Variants in PDZRN3 observed in about 807,000 individuals in gnomAD.
The protein encoded by PDZRN3 is PDZ domain containing ring finger 3, also known as E3 ubiquitin-protein ligase PDZRN3.
Under a neutral mutation model 85.7 loss-of-function variants are expected in PDZRN3, and 38 were observed. The ratio of observed to expected loss-of-function variants is 0.44; its 90% CI spans 0.34 to 0.58. The LOEUF is 0.58. Among genes scored for constraint, PDZRN3 ranks in the 20% least tolerant of loss-of-function variants. The probability of loss-of-function intolerance (pLI) is 0.01; values close to 1 mark genes in which losing one functional copy is unlikely to be tolerated. For missense variants in PDZRN3, 1,629 were observed against 1,506.4 expected (o/e 1.08, Z -1.35); for synonymous variants, 759 against 638.0 (o/e 1.19, Z -2.86).
intron 3 of PDZRN3, among the ~76,000 whole-genome samples, chr3:73,501,690 G>A (rs1348841488): frequency 1.3e-5 from 2 of 152,158 alleles, no homozygotes; most frequent in African/African-American, 2.4e-5. Context: ...TGAGAATAAG[G>A]TGGGTGACAT....
intron 3 of PDZRN3, among the ~76,000 whole-genome samples, chr3:73,553,523 C>T (rs928317179): frequency 6.6e-6 from 1 of 151,706 alleles, no homozygotes; most frequent in Admixed American, 6.6e-5. Flanking sequence ...TTGCAGTGAG[C>T]CGAGATGGCA....
At chr3:73,451,068 C>T (rs1438820751) in intron 3 of PDZRN3, among the ~76,000 whole-genome samples, 2 of 152,118 alleles carry the variant, frequency 1.3e-5, no homozygotes, top group Non-Finnish European at 2.9e-5. Context: ...AATAGGATGG[C>T]AGAAACAGTC....
At chr3:73,528,701 C>T (rs544087529) in intron 3 of PDZRN3, among the ~76,000 whole-genome samples, 22 of 152,038 alleles carry the variant, frequency 1.4e-4, no homozygotes, top group African/African-American at 4.8e-4. Flanking sequence ...AGTAACAAAA[C>T]GAACCATTTT....
intron 3 of PDZRN3, among the ~76,000 whole-genome samples, chr3:73,469,002 ATTATAC>A (rs1464235062): frequency 2.6e-5 from 4 of 151,860 alleles, no homozygotes; most frequent in Non-Finnish European, 5.9e-5. Context: ...TATTATTATG[ATTATAC>A]TTATTATTAC....
Position 73,410,046 on chromosome 3 carries a change from AG to A in PDZRN3, c.919-5652del, listed in dbSNP as rs375469433. Among the ~76,000 whole-genome samples, 652 of 152,334 alleles carry A rather than the reference AG, an allele frequency of 4.3e-3. 2 individuals carry two copies. Among genetic ancestry groups the A allele is most frequent in the African/African-American group, 0.015 (637 of 41,576 alleles). On this transcript the variant is annotated intron_variant, in intron 3 of 9. Transcript: ENST00000263666. ...TTATAGGGTTCATTTAATTAAATAC[AG>A]GGGGAGTGATTTCATTCTGTAAAAT... is the stretch of plus-strand genomic sequence containing the variant.
chr3:73,512,583 C>A (rs1196973663), intron 3 of PDZRN3, among the ~76,000 whole-genome samples: 2 of 151,634 alleles, frequency 1.3e-5, no homozygotes, highest in African/African-American at 4.9e-5. Flanking sequence ...TAAATAAAGC[C>A]CAAATTGCAC....
At chr3:73,501,882 G>T (rs55781120) in intron 3 of PDZRN3, among the ~76,000 whole-genome samples, 66,175 of 151,922 alleles carry the variant, frequency 0.44, 15,282 homozygotes, top group East Asian at 0.69. Context: ...CGGGTATGTT[G>T]GTACACACCT....
chr3:73,454,539 G>A (rs1226967294), intron 3 of PDZRN3, among the ~76,000 whole-genome samples: 1 of 152,168 alleles, frequency 6.6e-6, no homozygotes, highest in Non-Finnish European at 1.5e-5. Flanking sequence ...CCTGACTCTG[G>A]ATTTACTTGT....
At chr3:73,511,118 T>A (rs1704155746) in intron 3 of PDZRN3, among the ~76,000 whole-genome samples, 1 of 152,190 alleles carries the variant, frequency 6.6e-6, no homozygotes, top group Non-Finnish European at 1.5e-5. Context: ...TGGCTACTTT[T>A]TTATGGCAGA....
At chr3:73,563,439 T>C (rs1231421707) in intron 3 of PDZRN3, among the ~76,000 whole-genome samples, 1 of 132,770 alleles carries the variant, frequency 7.5e-6, no homozygotes, top group Non-Finnish European at 1.7e-5. Flanking sequence ...ATTCCTCTTA[T>C]AATCACCTTT....
At chr3:73,558,586 T>C (rs1283620132) in intron 3 of PDZRN3, among the ~76,000 whole-genome samples, 2 of 152,164 alleles carry the variant, frequency 1.3e-5, no homozygotes, top group East Asian at 3.9e-4. Flanking sequence ...CTTCCTCCTC[T>C]TTTTCCTGTT....
chr3:73,582,003 T>C lies in PDZRN3; in HGVS notation c.918+20351A>G, dbSNP rs113118372. On this transcript the variant is annotated intron_variant, in intron 3 of 9. Transcript: ENST00000263666. ...TGGTACCAGCTACCCAGGAGGCTGATGTGAGAGGATCACTTGAGCCCAGGA... is the reference window on the plus strand; with the variant it reads ...TGGTACCAGCTACCCAGGAGGCTGACGTGAGAGGATCACTTGAGCCCAGGA... 2.0e-3 allele frequency among the ~76,000 whole-genome samples: 299 copies of C among 151,974 alleles called. 2 individuals carry two copies. In the East Asian group the frequency reaches 0.023, roughly 11 times the overall value.
In PDZRN3 at chr3:73,391,004, A is replaced by G; in HGVS notation, c.1353+14T>C. The G allele has an allele frequency of 6.3e-7, 1 of 1,582,768 alleles. No individual in the cohort carries two copies. Among genetic ancestry groups the G allele is most frequent in the Non-Finnish European group, 8.7e-7 (1 of 1,154,320 alleles). ...TTGATACGATAGTTAGAAAAACAAA[A>G]TCAGCCTTTGTACCTCACTGATATA... On this transcript the variant is annotated intron_variant, in intron 6 of 9. Transcript: ENST00000263666.
At chr3:73,481,161 A>C (rs975209151) in intron 3 of PDZRN3, among the ~76,000 whole-genome samples, 2 of 152,190 alleles carry the variant, frequency 1.3e-5, no homozygotes, top group Non-Finnish European at 2.9e-5. Flanking sequence ...TGATTCCTAC[A>C]TGGCTCTGAG....
intron 3 of PDZRN3, among the ~76,000 whole-genome samples, chr3:73,416,875 G>GTTTTTTTTTTTT (rs1491373717): frequency 2.9e-4 from 12 of 40,742 alleles, no homozygotes; most frequent in African/African-American, 5.8e-4. Flanking sequence ...GTTTTTTTTT[G>GTTTTTTTTTTTT]GTTTTTTTTT....
chr3:73,399,808 GCACAGAGTCAGTCATGC>G (rs1701713504), intron 5 of PDZRN3, among the ~76,000 whole-genome samples: 1 of 152,180 alleles, frequency 6.6e-6, no homozygotes, highest in South Asian at 2.1e-4. Context: ...CTGAAAACTG[GCACAGAGTCAGTCATGC>G]CACTGGCAAC....
At chr3:73,590,245 G>C (rs903143033) in intron 3 of PDZRN3, among the ~76,000 whole-genome samples, 2 of 133,480 alleles carry the variant, frequency 1.5e-5, no homozygotes, top group Admixed American at 8.8e-5. Flanking sequence ...CTCCAGCCTG[G>C]GTGACAAAGC....
intron 3 of PDZRN3, among the ~76,000 whole-genome samples, chr3:73,574,104 C>T (rs1047168085): frequency 2.0e-5 from 3 of 152,240 alleles, no homozygotes. Context: ...ATTCTAACAT[C>T]ACAGAGAAGT....
intron 3 of PDZRN3, among the ~76,000 whole-genome samples, chr3:73,406,806 A>G (rs1701864001): frequency 6.6e-6 from 1 of 152,220 alleles, no homozygotes; most frequent in Non-Finnish European, 1.5e-5. Context: ...GAGGAACACT[A>G]AGCTAGGTGA....
Sources: gnomAD v4.1 joint callset for allele counts (sites outside exome capture counted in the v4.1 genomes callset) on GRCh38, gnomAD v4.1.1 for gene constraint, MANE v1.5 for transcripts, NCBI Gene and HGNC (gene_info 2026-07-23, HGNC 2026-07-21) for gene names.